Variants in RBFOX1 observed in about 807,000 individuals in gnomAD.
The protein encoded by RBFOX1 is RNA binding protein fox-1 homolog 1.
RBFOX1 carries 8 observed loss-of-function variants against 57.7 expected under a neutral mutation model. The observed-to-expected ratio is 0.14, with a 90% confidence interval of 0.08 to 0.25. RBFOX1 has a LOEUF of 0.25. Ranked by LOEUF, RBFOX1 falls within the 10% of genes least tolerant of loss-of-function variation. The pLI is 1.00. For missense variants in RBFOX1, 611 were observed against 548.5 expected (o/e 1.11, Z -1.14); for synonymous variants, 326 against 222.4 (o/e 1.47, Z -4.15).
chr16:6,855,243 G>A (rs1178184352), intron 3 of RBFOX1, among the ~76,000 whole-genome samples: 2 of 152,128 alleles, frequency 1.3e-5, no homozygotes, highest in Non-Finnish European at 2.9e-5. Flanking sequence ...TATGCATGAG[G>A]AAGGGAGGGA....
At chr16:7,567,425 G>A (rs1317221875) in intron 5 of RBFOX1, among the ~76,000 whole-genome samples, 2 of 103,724 alleles carry the variant, frequency 1.9e-5, no homozygotes, top group Non-Finnish European at 1.9e-5. Flanking sequence ...ATATCCCTAT[G>A]TATGGCCCTA....
rs2054012234 is a variant in RBFOX1 at position 7,060,822 on chromosome 16, G to C, written c.27+8724G>C. ...AAAAGTCTGGTAAGTTCCCTCTCTG[G>C]ATTGTTCTGTCCTCAAAAGCATTCC... On this transcript the variant is annotated intron_variant, in intron 4 of 15. Coordinates refer to ENST00000550418, the MANE Select transcript of RBFOX1 (RefSeq NM_018723.4). 2.6e-5 allele frequency among the ~76,000 whole-genome samples: 4 copies of C among 152,226 alleles called. No individual in the cohort carries two copies. In the South Asian group the frequency reaches 8.3e-4, roughly 32 times the overall value.
At chr16:6,386,510 T>C (rs965835708) in intron 2 of RBFOX1, among the ~76,000 whole-genome samples, 3 of 152,188 alleles carry the variant, frequency 2.0e-5, no homozygotes, top group African/African-American at 7.2e-5. Context: ...CAAACATGAT[T>C]CCTGCACCTT....
intron 2 of RBFOX1, among the ~76,000 whole-genome samples, chr16:6,574,276 G>C (rs2097390296): frequency 6.6e-6 from 1 of 152,028 alleles, no homozygotes; most frequent in Non-Finnish European, 1.5e-5. Context: ...GTTCATGTCA[G>C]CTGTTGCTTT....
At chr16:6,750,665 G>A (rs1477636309) in intron 3 of RBFOX1, among the ~76,000 whole-genome samples, 2 of 152,072 alleles carry the variant, frequency 1.3e-5, no homozygotes, top group Non-Finnish European at 2.9e-5. Flanking sequence ...CTGGGACAGG[G>A]GTGTTCATTG....
chr16:5,529,703 A>G (rs941615922), intron 2 of RBFOX1, among the ~76,000 whole-genome samples: 2 of 151,738 alleles, frequency 1.3e-5, no homozygotes, highest in Non-Finnish European at 2.9e-5. Context: ...ATTAGCTGGG[A>G]TTACAGGCTA....
At chr16:6,311,129 T>C (rs937289637) in intron 1 of RBFOX1, among the ~76,000 whole-genome samples, 1 of 151,400 alleles carries the variant, frequency 6.6e-6, no homozygotes, top group African/African-American at 2.4e-5. Context: ...ACCCTGTCTC[T>C]ACTAAAAATA....
intron 4 of RBFOX1, among the ~76,000 whole-genome samples, chr16:7,377,964 G>A (rs920776593): frequency 2.4e-5 from 3 of 126,118 alleles, no homozygotes; most frequent in Admixed American, 7.4e-5. Context: ...GACAGCCAGG[G>A]AGGTATGGAG....
At chr16:6,540,436 A>T (rs2096797856) in intron 2 of RBFOX1, among the ~76,000 whole-genome samples, 1 of 151,738 alleles carries the variant, frequency 6.6e-6, no homozygotes, top group Non-Finnish European at 1.5e-5. Flanking sequence ...ACATGGTAAA[A>T]CCCCATCTCT....
chr16:6,841,909 C>T (rs369840953), intron 3 of RBFOX1, among the ~76,000 whole-genome samples: 28 of 151,614 alleles, frequency 1.8e-4, no homozygotes, highest in Admixed American at 1.1e-3. Context: ...GAGGTCGAGG[C>T]GGGTGGATCA....
At chr16:7,053,212 A>C (rs13337191) in intron 4 of RBFOX1, among the ~76,000 whole-genome samples, 148 of 152,306 alleles carry the variant, frequency 9.7e-4, no homozygotes, top group African/African-American at 3.4e-3. Flanking sequence ...ATCCAGGTGC[A>C]TGAAACCGAG....
chr16:5,403,349 C>CA (rs767830099), intron 1 of RBFOX1, among the ~76,000 whole-genome samples: 6,086 of 81,754 alleles, frequency 0.074, 291 homozygotes, highest in African/African-American at 0.12. Flanking sequence ...AACGCTGTCT[C>CA]AAAAAAAAAA....
intron 3 of RBFOX1, among the ~76,000 whole-genome samples, chr16:7,042,411 C>G (rs987349403): frequency 6.6e-6 from 1 of 152,122 alleles, no homozygotes; most frequent in Non-Finnish European, 1.5e-5. Flanking sequence ...TTGAATATTT[C>G]CTATCTTTAC....
intron 4 of RBFOX1, among the ~76,000 whole-genome samples, chr16:5,967,156 C>T (rs182778865): frequency 7.2e-5 from 11 of 152,194 alleles, no homozygotes; most frequent in African/African-American, 2.4e-4. Context: ...ATCTGGCCCG[C>T]AAAGCCACAA....
chr16:6,622,921 T>G (rs930676198), intron 2 of RBFOX1, among the ~76,000 whole-genome samples: 1 of 152,214 alleles, frequency 6.6e-6, no homozygotes, highest in Non-Finnish European at 1.5e-5. Context: ...AGAATGCTAG[T>G]TAATGCACTT....
intron 3 of RBFOX1, among the ~76,000 whole-genome samples, chr16:6,968,654 G>T (rs1280471004): frequency 2.0e-5 from 3 of 151,996 alleles, no homozygotes; most frequent in African/African-American, 4.8e-5. Flanking sequence ...CATCCCACAG[G>T]ACTCGAGGAA....
chr16:7,122,733 A>T (rs1378109957), intron 4 of RBFOX1, among the ~76,000 whole-genome samples: 2 of 152,138 alleles, frequency 1.3e-5, no homozygotes, highest in Non-Finnish European at 2.9e-5. Flanking sequence ...TTACCCAAAG[A>T]TATTGTATAT....
At chr16:7,337,872 A>T (rs2096823054) in intron 4 of RBFOX1, among the ~76,000 whole-genome samples, 2 of 152,084 alleles carry the variant, frequency 1.3e-5, no homozygotes, top group Non-Finnish European at 2.9e-5. Flanking sequence ...TTTAGTAGAG[A>T]CAGGGTTTCA....
At chr16:5,437,979 C>A (rs998934091) in intron 1 of RBFOX1, among the ~76,000 whole-genome samples, 5 of 152,074 alleles carry the variant, frequency 3.3e-5, no homozygotes, top group African/African-American at 1.2e-4. Context: ...AGGATCTGAC[C>A]ATGTCTCTGT....
Sources: gnomAD v4.1 joint callset for allele counts (sites outside exome capture counted in the v4.1 genomes callset) on GRCh38, gnomAD v4.1.1 for gene constraint, MANE v1.5 for transcripts, NCBI Gene and HGNC (gene_info 2026-07-23, HGNC 2026-07-21) for gene names.